The following OSBP2 variants were observed in gnomAD, a reference collection of about 807,000 sequenced individuals.
OSBP2 encodes oxysterol-binding protein 2.
In OSBP2, 66 loss-of-function variants were observed where a neutral mutation model predicts 96.0. The ratio of observed to expected loss-of-function variants is 0.69; its 90% confidence interval spans 0.56 to 0.84. The LOEUF (loss-of-function observed/expected upper bound fraction) is 0.84. OSBP2 is among the 40% of genes least tolerant of loss of function. The pLI is 0.00. For missense variants in OSBP2, 1,038 were observed against 1,222.7 expected (o/e 0.85, Z 2.25); for synonymous variants, 525 against 520.9 (o/e 1.01, Z -0.11).
intron 1 of OSBP2, among the ~76,000 whole-genome samples, chr22:30,714,175 C>G (rs1365767391): frequency 1.3e-5 from 2 of 152,162 alleles, no homozygotes; most frequent in African/African-American, 4.8e-5. Flanking sequence ...GTCTTTCATG[C>G]TTGGCTTGTT....
intron 2 of OSBP2, among the ~76,000 whole-genome samples, chr22:30,832,730 C>T (rs2038552674): frequency 6.6e-6 from 1 of 152,186 alleles, no homozygotes; most frequent in African/African-American, 2.4e-5. Flanking sequence ...GGGGTATTAA[C>T]TTCTCAGGGG....
chr22:30,695,688 A>T lies in OSBP2; in HGVS notation c.644+135A>T, dbSNP rs184048908. ...TAGGGGCATGCATTCCAGCAGGCCAAGTCACGCTTCTGGCCCGCCGCCAAG... is the reference window on the plus strand; with the variant it reads ...TAGGGGCATGCATTCCAGCAGGCCATGTCACGCTTCTGGCCCGCCGCCAAG... On this transcript the variant is annotated intron_variant, in intron 1 of 13. Coordinates refer to ENST00000332585, the MANE Select transcript of OSBP2 (RefSeq NM_030758.4). The T allele has an allele frequency of 7.3e-5, 107 of 1,461,652 alleles. No homozygotes were observed. In the Admixed American group the frequency reaches 1.8e-3, roughly 24 times the overall value. 90.5% of individuals were successfully genotyped at this position (1,461,652 alleles called of 1,614,324 possible).
chr22:30,888,052 G>A (rs1049001615), intron 4 of OSBP2, among the ~76,000 whole-genome samples, 171 bp from the exon 5 acceptor site: 4 of 152,180 alleles, frequency 2.6e-5, no homozygotes, highest in Non-Finnish European at 5.9e-5. Context: ...CATGATTCTA[G>A]CAGAGGGAGC....
Position 30,890,969 on chromosome 22 carries a change from A to G in OSBP2, c.1865A>G (p.Glu622Gly), listed in dbSNP as rs1277551448. The change falls in exon 8 of 14, where the codon GAG (glutamate) becomes GGG (glycine). Residue 622 changes from glutamate to glycine, a missense_variant. Glu to Gly is a moderately conservative substitution (Grantham distance 98). Around this residue, in one of 3 missense-constraint regions of OSBP2, gnomAD observed 737 missense variants for 913.3 expected, o/e 0.81. Transcript: ENST00000332585. This position sits in a 1 kb window ranked among gnomAD's most constrained non-coding sequence, Gnocchi z 4.4. ...GACATGGGCCTGCGCTCCCTCTGTG[A>G]GCAGGTGAGGGGGCTAGGCTGGCAC... ...LDDMGLRSLC[E>G]QVSHHPPSAA... is the part of the protein sequence containing the mutation. 1.9e-6 allele frequency: 3 copies of G among 1,606,638 alleles called. No homozygotes were observed. Among genetic ancestry groups the G allele is most frequent in the Non-Finnish European group, 2.5e-6 (3 of 1,179,874 alleles).
chr22:30,861,202 C>G (rs921556694), intron 2 of OSBP2, among the ~76,000 whole-genome samples: 1 of 152,204 alleles, frequency 6.6e-6, no homozygotes, highest in Non-Finnish European at 1.5e-5. Context: ...AGAGACCAGC[C>G]TACAGATTGA....
intron 1 of OSBP2, among the ~76,000 whole-genome samples, chr22:30,698,869 A>G (rs1298345278): frequency 6.6e-6 from 1 of 152,112 alleles, no homozygotes; most frequent in Non-Finnish European, 1.5e-5. Flanking sequence ...CCTGGTCGCC[A>G]TGCACTTTTC....
At chr22:30,745,256 G>A (rs1301767497) in intron 2 of OSBP2, among the ~76,000 whole-genome samples, 2 of 152,024 alleles carry the variant, frequency 1.3e-5, no homozygotes, top group Non-Finnish European at 2.9e-5. Context: ...AAAAGTGTAT[G>A]TTAAAAAAGA....
intron 2 of OSBP2, chr22:30,764,160 T>C: frequency 1.1e-6 from 1 of 878,726 alleles, no homozygotes; most frequent in Non-Finnish European, 1.4e-6. Context: ...TCGCCTCCCC[T>C]AGGCTCGCCT....
intron 3 of OSBP2, among the ~76,000 whole-genome samples, chr22:30,876,835 A>ATAC (rs1555925168): frequency 1.3e-5 from 2 of 152,122 alleles, no homozygotes; most frequent in Non-Finnish European, 2.9e-5. Flanking sequence ...GCTGAAAAGG[A>ATAC]TACAAGCCCA....
At chr22:30,769,000 T>G (rs1287968414) in intron 2 of OSBP2, among the ~76,000 whole-genome samples, 2 of 152,252 alleles carry the variant, frequency 1.3e-5, no homozygotes, top group Non-Finnish European at 2.9e-5. Flanking sequence ...CTGGCAGGAC[T>G]GTGACGTTTC....
chr22:30,779,287 G>C (rs1364586369), intron 2 of OSBP2, among the ~76,000 whole-genome samples: 2 of 144,774 alleles, frequency 1.4e-5, no homozygotes, highest in Non-Finnish European at 3.0e-5. Context: ...TTTTAGTAGA[G>C]ACAGGGTTTT....
chr22:30,757,988 C>G (rs1224960069), intron 2 of OSBP2, among the ~76,000 whole-genome samples: 1 of 152,202 alleles, frequency 6.6e-6, no homozygotes, highest in East Asian at 1.9e-4. Context: ...GGCCTCCAAC[C>G]CAGTTTCACT....
chr22:30,807,100 G>T (rs777888762), intron 2 of OSBP2, among the ~76,000 whole-genome samples: 2 of 152,170 alleles, frequency 1.3e-5, no homozygotes, highest in Non-Finnish European at 2.9e-5. Flanking sequence ...TACCCGTGAG[G>T]TTGCTCTTTC....
intron 2 of OSBP2, among the ~76,000 whole-genome samples, chr22:30,810,646 C>G (rs991273815): frequency 1.1e-4 from 16 of 152,230 alleles, no homozygotes; most frequent in Non-Finnish European, 2.9e-5. Context: ...CCCCCGCCCC[C>G]ACACCTGGTT....
intron 2 of OSBP2, among the ~76,000 whole-genome samples, chr22:30,806,476 A>G (rs920300385): frequency 6.6e-6 from 1 of 152,182 alleles, no homozygotes; most frequent in African/African-American, 2.4e-5. Context: ...TGATCTCAGC[A>G]GCTGGGGCAG....
intron 12 of OSBP2, among the ~76,000 whole-genome samples, chr22:30,904,595 AAT>A (rs531519651): frequency 1.1e-4 from 16 of 149,796 alleles, no homozygotes; most frequent in African/African-American, 7.3e-5. Flanking sequence ...ACATAATTAA[AAT>A]ATATATATAT....
intron 3 of OSBP2, among the ~76,000 whole-genome samples, chr22:30,872,855 A>G (rs1373249989): frequency 1.3e-5 from 2 of 152,242 alleles, no homozygotes; most frequent in Non-Finnish European, 2.9e-5. Context: ...CGTGGCTCTC[A>G]GACACCAAGG....
intron 12 of OSBP2, among the ~76,000 whole-genome samples, chr22:30,899,225 ATTTT>A (rs201025373): frequency 6.6e-6 from 1 of 151,782 alleles, no homozygotes; most frequent in Non-Finnish European, 1.5e-5. Context: ...CAAAAAAAAA[ATTTT>A]TTTAATTAGC....
intron 1 of OSBP2, among the ~76,000 whole-genome samples, chr22:30,740,678 A>G (rs1284110688): frequency 6.6e-6 from 1 of 152,102 alleles, no homozygotes; most frequent in Non-Finnish European, 1.5e-5. Context: ...TTTTTAGTAG[A>G]GACAGGGTTT....
Sources: gnomAD v4.1 joint callset for allele counts (sites outside exome capture counted in the v4.1 genomes callset) on GRCh38, gnomAD v4.1.1 for gene constraint, gnomAD v4.1.1 regional missense constraint, Gnocchi (gnomAD v3.1) non-coding constraint, MANE v1.5 for transcripts, NCBI Gene and HGNC (gene_info 2026-07-23, HGNC 2026-07-21) for gene names.